CTTNBP2NL: variants seen among roughly 807,000 people sequenced by gnomAD.
The protein encoded by CTTNBP2NL is CTTNBP2 N-terminal like.
A neutral mutation model predicts 32.5 loss-of-function variants in CTTNBP2NL; 16 were observed. The ratio of observed to expected loss-of-function variants is 0.49; its 90% CI spans 0.33 to 0.75. CTTNBP2NL has a LOEUF of 0.75. Among genes scored for constraint, CTTNBP2NL ranks in the 30% least tolerant of loss-of-function variants. The pLI is 0.02. For synonymous variants in CTTNBP2NL, 298 were observed against 289.4 expected, an observed-to-expected ratio of 1.03 and a Z score of -0.30; for missense variants, 645 against 756.0, an observed-to-expected ratio of 0.85 and a Z score of 1.72.
At position 112,442,461 on chromosome 1, in the gene CTTNBP2NL, T is replaced by G. The variant is rs191532118; in HGVS notation, c.100-6481T>G. ...CTCCCTTTATCAGTTCATTAATCTG[T>G]TCAGTACTTGTTGAATTCCTAAACA... On this transcript the variant is annotated intron_variant, in intron 3 of 5. Transcript: ENST00000271277. Among the ~76,000 whole-genome samples the G allele has an allele frequency of 5.9e-5, 9 of 152,348 alleles. No individual in the cohort carries two copies. In the East Asian group the frequency reaches 1.7e-3, roughly 29 times the overall value.
At chr1:112,440,115 A>G (rs1319622503) in intron 3 of CTTNBP2NL, among the ~76,000 whole-genome samples, 1 of 152,192 alleles carries the variant, frequency 6.6e-6, no homozygotes. Context: ...TACCCAGCAA[A>G]CATTAAGTAT....
At chr1:112,397,767 C>T (rs181555272) in intron 1 of CTTNBP2NL, among the ~76,000 whole-genome samples, 2 of 152,280 alleles carry the variant, frequency 1.3e-5, no homozygotes, top group African/African-American at 4.8e-5. Flanking sequence ...CTCAAGTCTA[C>T]CTCCCCTCTG....
intron 4 of CTTNBP2NL, 56 bp from the exon 5 acceptor site, chr1:112,454,393 A>G (rs1262660738): frequency 3.8e-6 from 5 of 1,303,162 alleles, no homozygotes; most frequent in Non-Finnish European, 5.5e-6. Context: ...TATTGGTTGT[A>G]TTAATAAATG....
intron 3 of CTTNBP2NL, among the ~76,000 whole-genome samples, chr1:112,419,903 G>A (rs890921603): frequency 3.9e-5 from 6 of 152,174 alleles, no homozygotes; most frequent in African/African-American, 9.7e-5. Flanking sequence ...TTAAGATTGG[G>A]ATGGGTGGTT....
chr1:112,396,817 C>T (rs189352758), intron 1 of CTTNBP2NL, among the ~76,000 whole-genome samples: 120 of 152,338 alleles, frequency 7.9e-4, no homozygotes, highest in African/African-American at 2.7e-3. Flanking sequence ...TTCTTCCCAT[C>T]CCCCATTCTC....
intron 3 of CTTNBP2NL, among the ~76,000 whole-genome samples, chr1:112,431,943 TAAA>T (rs1487900019): frequency 6.7e-6 from 1 of 148,820 alleles, no homozygotes; most frequent in Non-Finnish European, 1.5e-5. Context: ...CTACAAAAAA[TAAA>T]AAACTTAAAT....
intron 3 of CTTNBP2NL, among the ~76,000 whole-genome samples, chr1:112,434,672 G>T (rs1327894023): frequency 6.6e-6 from 1 of 152,060 alleles, no homozygotes; most frequent in East Asian, 1.9e-4. Flanking sequence ...TTACATTCAA[G>T]ACATTTACAG....
intron 1 of CTTNBP2NL, among the ~76,000 whole-genome samples, chr1:112,409,929 A>G (rs973069459): frequency 2.6e-5 from 4 of 152,084 alleles, no homozygotes; most frequent in Admixed American, 6.6e-5. Flanking sequence ...AGTTGGGGGG[A>G]TGCAGTTTTT....
chr1:112,428,131 C>T (rs538070212), intron 3 of CTTNBP2NL, among the ~76,000 whole-genome samples: 23 of 152,108 alleles, frequency 1.5e-4, no homozygotes, highest in Admixed American at 6.6e-4. Context: ...ATAAAAGACT[C>T]AAGCAAATAC....
intron 3 of CTTNBP2NL, among the ~76,000 whole-genome samples, chr1:112,437,818 C>T (rs375626028): frequency 6.4e-4 from 97 of 152,148 alleles, no homozygotes; most frequent in Admixed American, 3.1e-3. Context: ...CCACCATACC[C>T]GGCCGAGTTC....
intron 1 of CTTNBP2NL, among the ~76,000 whole-genome samples, chr1:112,402,960 A>G (rs925888931): frequency 1.1e-4 from 16 of 152,080 alleles, no homozygotes; most frequent in Non-Finnish European, 8.8e-5. Context: ...CATTTCTAAC[A>G]TCCCTGTTTT....
At chr1:112,448,487 A>G (rs959803950) in intron 3 of CTTNBP2NL, among the ~76,000 whole-genome samples, 11 of 152,228 alleles carry the variant, frequency 7.2e-5, no homozygotes, top group African/African-American at 2.7e-4. Context: ...ACGGAAAAAA[A>G]TAAGATGTAC....
At chr1:112,438,350 G>C (rs1461312252) in intron 3 of CTTNBP2NL, among the ~76,000 whole-genome samples, 1 of 152,146 alleles carries the variant, frequency 6.6e-6, no homozygotes, top group African/African-American at 2.4e-5. Flanking sequence ...CAGCCTGGCT[G>C]TTGTAGGTGT....
At chr1:112,397,291 G>A (rs1648359508) in intron 1 of CTTNBP2NL, among the ~76,000 whole-genome samples, 2 of 152,198 alleles carry the variant, frequency 1.3e-5, no homozygotes, top group African/African-American at 4.8e-5. Context: ...GGAGACTGCA[G>A]TTAACCTTGA....
intron 2 of CTTNBP2NL, among the ~76,000 whole-genome samples, chr1:112,413,197 GTA>G (rs1027994755): frequency 2.0e-5 from 3 of 152,008 alleles, no homozygotes; most frequent in Admixed American, 6.6e-5. Flanking sequence ...TTAGTTCTTT[GTA>G]TATGTACCTC....
chr1:112,435,943 A>G (rs1649713800), intron 3 of CTTNBP2NL, among the ~76,000 whole-genome samples: 1 of 151,520 alleles, frequency 6.6e-6, no homozygotes, highest in Non-Finnish European at 1.5e-5. Flanking sequence ...CAAAAATATT[A>G]TTTCCCAGAC....
rs1648893523 is a variant in CTTNBP2NL, at chr1:112,412,265, GA to G, written c.-58del. The G allele has an allele frequency of 6.6e-6, 1 of 152,104 alleles. No individual in the cohort carries two copies. The highest frequency in any genetic ancestry group is 2.1e-4 in the South Asian group (1 of 4,830). The allele number at this position is 152,104 out of a possible 1,614,324, so 9.4% of individuals were successfully genotyped here. On this transcript the variant is annotated 5_prime_UTR_variant, in exon 2 of 6. An upstream open reading frame in the 5' UTR gains an earlier in-frame stop. Transcript: ENST00000271277. ...GCAATTTTCCCAATTTTTTACTGAA[GA>G]AAACTGTAAGTTTATACTTGAGGAC...
chr1:112,405,818 C>T (rs1427768057), intron 1 of CTTNBP2NL, among the ~76,000 whole-genome samples: 1 of 152,114 alleles, frequency 6.6e-6, no homozygotes, highest in Non-Finnish European at 1.5e-5. Flanking sequence ...TTGCATGAGT[C>T]TTAGAACTAA....
chr1:112,425,331 C>T lies in CTTNBP2NL; in HGVS notation c.99+9067C>T, dbSNP rs576204627. ...ACTAAAAGTACAAAAATTAGCCGGGCGAGGTGGCACACGCCTGTAGTCCCA... is the reference window on the plus strand; with the variant it reads ...ACTAAAAGTACAAAAATTAGCCGGGTGAGGTGGCACACGCCTGTAGTCCCA... On this transcript the variant is annotated intron_variant, in intron 3 of 5. Coordinates refer to ENST00000271277, the MANE Select transcript of CTTNBP2NL (RefSeq NM_018704.3). Among the ~76,000 whole-genome samples, 14 of 151,606 alleles carry T rather than the reference C, an allele frequency of 9.2e-5. 1 individual carries two copies. In the East Asian group the frequency reaches 1.6e-3, roughly 17 times the overall value.
Sources: allele counts gnomAD v4.1 joint callset (sites outside exome capture counted in the v4.1 genomes callset), GRCh38; gene constraint gnomAD v4.1.1; transcripts MANE v1.5; gene names NCBI Gene and HGNC (gene_info 2026-07-23, HGNC 2026-07-21).